The following AUTS2 variants were observed in gnomAD, a reference collection of about 807,000 sequenced individuals.
AUTS2 encodes the protein activator of transcription and developmental regulator AUTS2, also known as autism susceptibility gene 2 protein.
AUTS2 carries 17 observed loss-of-function variants against 112.4 expected under a neutral mutation model. The observed-to-expected ratio is 0.15, with a 90% CI of 0.10 to 0.23. The LOEUF is 0.23. Among genes scored for constraint, AUTS2 ranks in the 10% least tolerant of loss-of-function variants. The pLI is 1.00. For synonymous variants in AUTS2, 751 were observed against 702.7 expected, an observed-to-expected ratio of 1.07 and a Z score of -1.09; for missense variants, 1,510 against 1,701.6, an observed-to-expected ratio of 0.89 and a Z score of 1.98.
At chr7:70,088,044 T>G (rs1204209322) in intron 2 of AUTS2, among the ~76,000 whole-genome samples, 1 of 152,130 alleles carries the variant, frequency 6.6e-6, no homozygotes, top group Non-Finnish European at 1.5e-5. Context: ...TCTTTTTTTT[T>G]TTTTTCCAGG....
At chr7:70,244,205 C>T (rs992354944) in intron 4 of AUTS2, among the ~76,000 whole-genome samples, 9 of 152,116 alleles carry the variant, frequency 5.9e-5, no homozygotes, top group Non-Finnish European at 1.2e-4. Flanking sequence ...TTTATTTCCT[C>T]ACACACTAGT....
chr7:70,163,251 G>A (rs117704323), intron 4 of AUTS2, among the ~76,000 whole-genome samples: 1,591 of 148,830 alleles, frequency 0.011, 12 homozygotes, highest in Middle Eastern at 0.021. Flanking sequence ...GAGTTCATAC[G>A]AGTAAGTCTA....
chr7:70,223,375 A>G (rs1038339458), intron 4 of AUTS2, among the ~76,000 whole-genome samples: 12 of 152,194 alleles, frequency 7.9e-5, no homozygotes, highest in African/African-American at 2.7e-4. Context: ...TGCATATGCA[A>G]CAGAGTCCCA....
At chr7:70,774,292 A>T in intron 12 of AUTS2, 193 bp downstream of exon 12, 1 of 570,036 alleles carries the variant, frequency 1.8e-6, no homozygotes, top group Non-Finnish European at 3.1e-6. Flanking sequence ...CGAGCATAGG[A>T]CACAAAGAGA....
chr7:70,019,995 G>A (rs979606156), intron 2 of AUTS2, among the ~76,000 whole-genome samples: 5 of 152,076 alleles, frequency 3.3e-5, no homozygotes, highest in Admixed American at 1.3e-4. Flanking sequence ...ACTCAGTTCT[G>A]GGTATGTCCA....
intron 4 of AUTS2, among the ~76,000 whole-genome samples, chr7:70,167,754 A>G (rs985960958): frequency 2.6e-5 from 4 of 152,242 alleles, no homozygotes; most frequent in Non-Finnish European, 5.9e-5. Flanking sequence ...CAGTAACAGA[A>G]GGATACCCGG....
intron 5 of AUTS2, among the ~76,000 whole-genome samples, chr7:70,630,524 T>A (rs1805203073): frequency 6.6e-6 from 1 of 152,194 alleles, no homozygotes; most frequent in Admixed American, 6.5e-5. Context: ...CTTAGTGAAC[T>A]TGCCACTGCC....
At chr7:70,542,476 A>G (rs1452945731) in intron 5 of AUTS2, among the ~76,000 whole-genome samples, 1 of 152,140 alleles carries the variant, frequency 6.6e-6, no homozygotes, top group Admixed American at 6.5e-5. Context: ...CCTGCATCCA[A>G]TGTAGGAGGC....
At chr7:70,197,624 C>T (rs1810260088) in intron 4 of AUTS2, among the ~76,000 whole-genome samples, 3 of 62,674 alleles carry the variant, frequency 4.8e-5, no homozygotes, top group Admixed American at 1.9e-4. Flanking sequence ...GAATATTGCG[C>T]TTTTCAGACC....
chr7:69,751,270 T>C (rs549465046), intron 1 of AUTS2, among the ~76,000 whole-genome samples: 3 of 152,324 alleles, frequency 2.0e-5, no homozygotes, highest in Admixed American at 2.0e-4. Flanking sequence ...AGAGGTTTGC[T>C]TAGCCACAAC....
chr7:69,629,697 C>T (rs577344445), intron 1 of AUTS2, among the ~76,000 whole-genome samples: 3 of 152,090 alleles, frequency 2.0e-5, no homozygotes, highest in South Asian at 2.1e-4. Context: ...CTAAAATCAC[C>T]GCAGTCAGTA....
intron 2 of AUTS2, among the ~76,000 whole-genome samples, chr7:69,958,379 A>G (rs1797301384): frequency 6.6e-6 from 1 of 152,154 alleles, no homozygotes; most frequent in Admixed American, 6.5e-5. Context: ...TCTAGAATAT[A>G]AATCAGGACT....
chr7:69,990,962 C>T (rs1240626166), intron 2 of AUTS2, among the ~76,000 whole-genome samples: 2 of 152,116 alleles, frequency 1.3e-5, no homozygotes, highest in Non-Finnish European at 2.9e-5. Flanking sequence ...GAGAATAGAT[C>T]TAATCAGCAG....
intron 14 of AUTS2, among the ~76,000 whole-genome samples, chr7:70,779,184 G>C (rs561100079): frequency 1.2e-4 from 18 of 152,298 alleles, no homozygotes; most frequent in African/African-American, 4.1e-4. Flanking sequence ...TAGATTCATA[G>C]TGAATTAGAA....
At chr7:70,668,799 CTCTTG>C (rs1425007802) in intron 5 of AUTS2, among the ~76,000 whole-genome samples, 1 of 152,220 alleles carries the variant, frequency 6.6e-6, no homozygotes, top group Non-Finnish European at 1.5e-5. Flanking sequence ...ATAGACTTTA[CTCTTG>C]TCAGAATGGT....
At chr7:70,528,328 A>G (rs1414825187) in intron 5 of AUTS2, among the ~76,000 whole-genome samples, 1 of 152,018 alleles carries the variant, frequency 6.6e-6, no homozygotes, top group Non-Finnish European at 1.5e-5. Flanking sequence ...GCCCTGGTTG[A>G]GGGCGAGAGG....
chr7:69,699,178 T>C (rs1797689097), intron 1 of AUTS2, among the ~76,000 whole-genome samples: 1 of 152,184 alleles, frequency 6.6e-6, no homozygotes, highest in African/African-American at 2.4e-5. Context: ...ATGGGCATTT[T>C]TGCTGGTATC....
At position 69,829,162 on chromosome 7, in the gene AUTS2, A is replaced by G. The variant is rs540756873; in HGVS notation, c.310-70124A>G. On this transcript the variant is annotated intron_variant, in intron 1 of 18. Coordinates refer to ENST00000342771, the MANE Select transcript of AUTS2 (RefSeq NM_015570.4). The stretch of plus-strand genomic sequence containing the variant: ...GGGGAAAGGATTCCCTATTTAATAA[A>G]TGGTGCTGGGAAAACTGGCTAGCCA... Among the ~76,000 whole-genome samples the G allele has an allele frequency of 4.6e-5, 7 of 152,310 alleles. No homozygotes were observed. The South Asian group carries it at 1.0e-3, about 23-fold the overall frequency.
Position 70,086,765 on chromosome 7 carries a change from C to G in AUTS2, c.523-31367C>G, listed in dbSNP as rs1215445097. Reference sequence around the variant, plus strand: ...GGCATTGTTTTATAAATTTTAATTTCTAATTATTCCTTGCTGCAATGTAAA... The same window carrying G: ...GGCATTGTTTTATAAATTTTAATTTGTAATTATTCCTTGCTGCAATGTAAA... On this transcript the variant is annotated intron_variant, in intron 2 of 18. Coordinates refer to ENST00000342771, the MANE Select transcript of AUTS2 (RefSeq NM_015570.4). 2.6e-4 allele frequency among the ~76,000 whole-genome samples: 38 copies of G among 148,664 alleles called. 1 individual carries two copies. Among genetic ancestry groups the G allele is most frequent in the Admixed American group, 2.5e-3 (38 of 14,934 alleles).
Sources: allele counts gnomAD v4.1 joint callset (sites outside exome capture counted in the v4.1 genomes callset), GRCh38; gene constraint gnomAD v4.1.1; transcripts MANE v1.5; gene names NCBI Gene and HGNC (gene_info 2026-07-23, HGNC 2026-07-21).